Variants in DDX18 observed in about 807,000 individuals in gnomAD.
The protein encoded by DDX18 is ATP-dependent RNA helicase DDX18.
In DDX18, 23 loss-of-function variants were observed where a neutral mutation model predicts 73.5. The ratio of observed to expected loss-of-function variants is 0.31; its 90% CI spans 0.23 to 0.44. The LOEUF is 0.44. DDX18 is among the 20% of genes least tolerant of loss of function. The pLI, the probability that DDX18 is intolerant of heterozygous loss-of-function variation, is 1.00. For missense variants in DDX18, 753 were observed against 792.9 expected (o/e 0.95, Z 0.60); for synonymous variants, 268 against 282.7 (o/e 0.95, Z 0.52).
chr2:117,814,786 C>A lies in DDX18; in HGVS notation c.9C>A (p.His3Gln). 6.2e-7 allele frequency: 1 copy of A among 1,614,210 alleles called. No individual in the cohort carries two copies. Among genetic ancestry groups the A allele is most frequent in the South Asian group, 1.1e-5 (1 of 91,084 alleles). The change falls in exon 1 of 14, where the codon CAC becomes CAA. Residue 3 changes from histidine to glutamine, a missense_variant. Around this residue, in one of 3 missense-constraint regions of DDX18, gnomAD observed 345 missense variants for 352.0 expected, o/e 0.98. Transcript: ENST00000263239. ...GGCACTTGTTGGGCAGAATGTCACA[C>A]CTGCCGATGAAACTCCTGCGTAAGA... The part of the protein sequence containing the change: MS[H>Q]LPMKLLRKKI...
At chr2:117,817,809 G>GCA in intron 2 of DDX18, 81 bp downstream of exon 2, 1 of 1,423,220 alleles carries the variant, frequency 7.0e-7, no homozygotes. Context: ...ACTATTGTGT[G>GCA]CACATGACAT....
chr2:117,828,919 T>C (rs368428996), intron 11 of DDX18, 30 bp from the exon 12 acceptor site: 1 of 1,493,356 alleles, frequency 6.7e-7, no homozygotes, highest in Non-Finnish European at 9.3e-7. Context: ...ATCATCCTGG[T>C]TTACTAATCT....
chr2:117,821,190 C>T lies in DDX18; in HGVS notation c.544C>T (p.Leu182=), dbSNP rs771993622. The part of the protein sequence containing the change: ...GAFEDTSFAS[L]CNLVNENTLK... ...TTTTGAGGATACTTCGTTTGCTTCTCTATGTAATCTTGTCAATGAAAACAC... is the reference window on the plus strand; with the variant it reads ...TTTTGAGGATACTTCGTTTGCTTCTTTATGTAATCTTGTCAATGAAAACAC... The change falls in exon 4 of 14, where the codon CTA becomes TTA. Residue 182 remains leucine (L), a synonymous_variant. Transcript: ENST00000263239. 4.4e-6 allele frequency: 7 copies of T among 1,600,042 alleles called. No individual in the cohort carries two copies. Among genetic ancestry groups the T allele is most frequent in the Non-Finnish European group, 6.0e-6 (7 of 1,174,366 alleles).
intron 8 of DDX18, 30 bp downstream of exon 8, chr2:117,824,738 G>A: frequency 2.0e-6 from 3 of 1,467,652 alleles, no homozygotes; most frequent in Non-Finnish European, 1.8e-6. Flanking sequence ...GAAAACTGTA[G>A]GGATCTTACT....
intron 11 of DDX18, chr2:117,827,609 T>C (rs1229911064): frequency 1.3e-5 from 2 of 151,516 alleles, no homozygotes; most frequent in African/African-American, 2.4e-5. Flanking sequence ...GTCCTTGCAA[T>C]AGTTTGCTCA....
chr2:117,818,986 G>A (rs1679803262), intron 2 of DDX18, among the ~76,000 whole-genome samples: 1 of 152,222 alleles, frequency 6.6e-6, no homozygotes, highest in Admixed American at 6.5e-5. Flanking sequence ...GAGCTACAGA[G>A]AGTCCTGGGT....
At chr2:117,822,811 T>A (rs1243476078) in intron 7 of DDX18, 2 of 154,336 alleles carry the variant, frequency 1.3e-5, no homozygotes, top group African/African-American at 4.8e-5. Context: ...AATTTCTCCC[T>A]CCCACCCCTC....
At position 117,817,492 on chromosome 2, in the gene DDX18, A is replaced by G. The variant is rs1679779227; in HGVS notation, c.134A>G (p.Glu45Gly). ...LSETQNGDVS[E>G]ETMGSRKVKK... ...GAAACTCAAAATGGAGATGTATCTG[A>G]AGAAACAATGGGAAGTAGAAAGGTT... Residue 45 changes from glutamate to glycine, a missense_variant, in exon 2 of 14, where the codon GAA becomes GGA. Glu to Gly is a moderately conservative substitution (Grantham distance 98). Around this residue, in one of 3 missense-constraint regions of DDX18, gnomAD observed 345 missense variants for 352.0 expected, o/e 0.98. Coordinates refer to ENST00000263239, the MANE Select transcript of DDX18 (RefSeq NM_006773.4). 3 of 1,612,882 alleles carry G rather than the reference A, an allele frequency of 1.9e-6. No homozygotes were observed. Among genetic ancestry groups the G allele is most frequent in the Non-Finnish European group, 2.5e-6 (3 of 1,179,796 alleles).
chr2:117,822,957 T>A (rs147194723), intron 7 of DDX18, among the ~76,000 whole-genome samples: 217 of 152,306 alleles, frequency 1.4e-3, no homozygotes, highest in African/African-American at 4.7e-3. Context: ...CCTTTTCTCT[T>A]AAGTAAACCT....
At chr2:117,823,200 A>G (rs756328263) in intron 7 of DDX18, among the ~76,000 whole-genome samples, 5 of 152,126 alleles carry the variant, frequency 3.3e-5, no homozygotes, top group Non-Finnish European at 7.4e-5. Context: ...TTGGTTTGTC[A>G]GTTTCTCCCC....
rs201668685 is a variant in DDX18 at position 117,817,504 on chromosome 2, G to A, written c.146G>A (p.Gly49Glu). 6.3e-5 allele frequency: 101 copies of A among 1,613,306 alleles called. No homozygotes were observed. The highest frequency in any genetic ancestry group is 1.5e-4 in the Admixed American group (9 of 59,932). ...GGAGATGTATCTGAAGAAACAATGG[G>A]AAGTAGAAAGGTTAAAAAATCAAAA... The part of the protein sequence containing the change: ...QNGDVSEETM[G>E]SRKVKKSKQK... Residue 49 changes from glycine to glutamate, a missense_variant, in exon 2 of 14, where the codon GGA becomes GAA. Gly to Glu is a moderately conservative substitution (Grantham distance 98). This residue lies in a region of DDX18 where 345 missense variants were observed against 352.0 expected (regional missense o/e 0.98). Transcript: ENST00000263239.
chr2:117,815,881 A>C, intron 1 of DDX18, among the ~76,000 whole-genome samples: 1 of 152,162 alleles, frequency 6.6e-6, no homozygotes, highest in South Asian at 2.1e-4. Context: ...CGTTTTGCGA[A>C]CTTTATCTAG....
At chr2:117,826,573 C>T (rs965631099) in intron 11 of DDX18, 191 bp downstream of exon 11, 8 of 594,322 alleles carry the variant, frequency 1.3e-5, no homozygotes, top group African/African-American at 1.9e-5. Context: ...CCACATGGCT[C>T]GGCTTTCTAG....
At chr2:117,830,439 A>G (rs1680002346) in intron 13 of DDX18, 143 bp from the exon 14 acceptor site, 2 of 1,025,284 alleles carry the variant, frequency 2.0e-6, no homozygotes, top group Non-Finnish European at 2.7e-6. Flanking sequence ...AATTTATTGC[A>G]TAGGCTTATG....
At chr2:117,816,741 C>T (rs938228255) in intron 1 of DDX18, among the ~76,000 whole-genome samples, 5 of 152,142 alleles carry the variant, frequency 3.3e-5, no homozygotes, top group East Asian at 1.9e-4. Context: ...GTACTTTATA[C>T]GACTGGCATT....
Position 117,825,536 on chromosome 2 carries a change from G to C in DDX18, c.1458G>C (p.Ala486=), listed in dbSNP as rs779379901. The change falls in exon 10 of 14, where the codon GCG becomes GCC. Residue 486 remains alanine (A), a synonymous_variant. Transcript: ENST00000263239. ...SGTLLCTDVA[A]RGLDIPEVDW... ...CACTATTGTGTACGGATGTGGCAGC[G>C]AGAGGACTAGACATTCCTGAAGTCG... 2.5e-6 allele frequency: 4 copies of C among 1,614,156 alleles called. No homozygotes were observed. The Admixed American group carries it at 6.7e-5, about 27-fold the overall frequency.
Position 117,830,841 on chromosome 2 carries a change from T to C in DDX18, c.*117T>C. On this transcript the variant is annotated 3_prime_UTR_variant, in exon 14 of 14. Coordinates refer to ENST00000263239, the MANE Select transcript of DDX18 (RefSeq NM_006773.4). ...TGGACTTACCTAACAAGAGTATAAATTGACTTGGGTTGCAAGCACTGAGCA... is the reference window on the plus strand; with the variant it reads ...TGGACTTACCTAACAAGAGTATAAACTGACTTGGGTTGCAAGCACTGAGCA... The C allele has an allele frequency of 8.1e-7, 1 of 1,228,384 alleles. No homozygotes were observed. The highest frequency in any genetic ancestry group is 1.2e-6 in the Non-Finnish European group (1 of 869,240). 76.1% of individuals were successfully genotyped at this position (1,228,384 alleles called of 1,614,324 possible).
chr2:117,818,891 T>C (rs898976469), intron 2 of DDX18, among the ~76,000 whole-genome samples: 36 of 152,176 alleles, frequency 2.4e-4, no homozygotes, highest in African/African-American at 8.2e-4. Context: ...GCTGAAGATA[T>C]CTGTGGCTTT....
Position 117,814,752 on chromosome 2 carries a change from C to T in DDX18, c.-26C>T, listed in dbSNP as rs756696571. 1.1e-5 allele frequency: 18 copies of T among 1,613,486 alleles called. No individual in the cohort carries two copies. In the Admixed American group the frequency reaches 1.7e-4, roughly 15 times the overall value. On this transcript the variant is annotated 5_prime_UTR_variant, in exon 1 of 14. Coordinates refer to ENST00000263239, the MANE Select transcript of DDX18 (RefSeq NM_006773.4). ...ACTGAGTAGCTGTACTGTGTGGCGC[C>T]TTATTCTAGGCACTTGTTGGGCAGA...
Sources: gnomAD v4.1 joint callset for allele counts (sites outside exome capture counted in the v4.1 genomes callset) on GRCh38, gnomAD v4.1.1 for gene constraint, gnomAD v4.1.1 regional missense constraint, MANE v1.5 for transcripts, NCBI Gene and HGNC (gene_info 2026-07-23, HGNC 2026-07-21) for gene names.